Variants in CSMD1 observed in about 807,000 individuals in gnomAD.
The protein encoded by CSMD1 is CUB and sushi domain-containing protein 1.
A neutral mutation model predicts 417.5 loss-of-function variants in CSMD1; 213 were observed. The observed-to-expected ratio is 0.51, with a 90% confidence interval of 0.46 to 0.57. The LOEUF is 0.57. Among genes scored for constraint, CSMD1 ranks in the 20% least tolerant of loss-of-function variants. CSMD1 has a pLI of 0.00. For missense variants in CSMD1, 6,923 were observed against 4,529.7 expected (o/e 1.53, Z -15.17); for synonymous variants, 2,862 against 1,736.8 (o/e 1.65, Z -16.11).
intron 68 of CSMD1, among the ~76,000 whole-genome samples, chr8:2,947,112 G>A (rs558074093): frequency 5.8e-4 from 88 of 152,130 alleles, no homozygotes; most frequent in Middle Eastern, 3.4e-3. Flanking sequence ...CGTACATTCT[G>A]GATACAAGTC....
chr8:4,257,918 C>T (rs1246971688), intron 3 of CSMD1, among the ~76,000 whole-genome samples: 1 of 152,196 alleles, frequency 6.6e-6, no homozygotes, highest in East Asian at 1.9e-4. Context: ...ACAACCACCA[C>T]TTTAAAAATA....
chr8:4,777,906 C>T (rs985228562), intron 1 of CSMD1, among the ~76,000 whole-genome samples: 2 of 152,176 alleles, frequency 1.3e-5, no homozygotes, highest in Non-Finnish European at 2.9e-5. Flanking sequence ...CTACCTATCC[C>T]ACATCAAAGG....
chr8:4,180,030 A>C (rs10099788), intron 3 of CSMD1, among the ~76,000 whole-genome samples: 1 of 152,030 alleles, frequency 6.6e-6, no homozygotes, highest in Non-Finnish European at 1.5e-5. Flanking sequence ...CGATTCCTCA[A>C]GGACCTAGAA....
In CSMD1 at chr8:3,494,649, G is replaced by C. The variant is rs539147748; in HGVS notation, c.1345-923C>G. On this transcript the variant is annotated intron_variant, in intron 10 of 69. Coordinates refer to ENST00000635120, the MANE Select transcript of CSMD1 (RefSeq NM_033225.6). ...AGATGACAGACTGGATGGATGGATG[G>C]GTGGATGGAAAAATGACAGACGATA... 1.2e-4 allele frequency among the ~76,000 whole-genome samples: 18 copies of C among 152,092 alleles called. 1 individual carries two copies. The highest frequency in any genetic ancestry group is 3.1e-4 in the African/African-American group (13 of 41,476).
intron 37 of CSMD1, among the ~76,000 whole-genome samples, chr8:3,176,430 C>A (rs896836897): frequency 1.3e-5 from 2 of 151,130 alleles, no homozygotes; most frequent in African/African-American, 4.9e-5. Context: ...AGTGTGCATT[C>A]AAAAAAAACT....
At chr8:4,482,342 G>A (rs190886672) in intron 2 of CSMD1, among the ~76,000 whole-genome samples, 6 of 152,186 alleles carry the variant, frequency 3.9e-5, no homozygotes, top group Admixed American at 2.6e-4. Context: ...GAGAACATGC[G>A]GTATTCGGTT....
chr8:3,671,086 AG>A (rs953927134), intron 7 of CSMD1, among the ~76,000 whole-genome samples: 2 of 91,390 alleles, frequency 2.2e-5, no homozygotes, highest in African/African-American at 7.9e-5. Flanking sequence ...TATACATATA[AG>A]GGATATATAT....
rs1796623525 is a variant in CSMD1, at chr8:4,772,018, A to C, written c.86-134460T>G. On this transcript the variant is annotated intron_variant, in intron 1 of 69. Transcript: ENST00000635120. ...CCCATGTCTCGTTTCACTGCTCTGC[A>C]GGTTAAAAGTCCCACGTCGGTCTCA... is the stretch of plus-strand genomic sequence containing the variant. Among the ~76,000 whole-genome samples the C allele has an allele frequency of 2.6e-5, 4 of 152,278 alleles. No homozygotes were observed. In the South Asian group the frequency reaches 8.3e-4, roughly 32 times the overall value.
intron 40 of CSMD1, 109 bp from the exon 41 acceptor site, chr8:3,142,783 G>C: frequency 1.1e-6 from 1 of 948,764 alleles, no homozygotes; most frequent in South Asian, 1.4e-5. Context: ...ATCCCTCTCT[G>C]TGAGACAGAA....
intron 6 of CSMD1, among the ~76,000 whole-genome samples, chr8:3,753,524 T>A (rs1281317880): frequency 6.6e-6 from 1 of 152,214 alleles, no homozygotes; most frequent in Non-Finnish European, 1.5e-5. Flanking sequence ...TGAAGACCTT[T>A]TAGGATTAAA....
At chr8:2,992,506 C>T (rs898603440) in intron 54 of CSMD1, among the ~76,000 whole-genome samples, 3 of 151,950 alleles carry the variant, frequency 2.0e-5, no homozygotes, top group Non-Finnish European at 4.4e-5. Flanking sequence ...TCACTGCAAC[C>T]TCTGCCTTCT....
intron 33 of CSMD1, among the ~76,000 whole-genome samples, chr8:3,194,176 G>A (rs1184740507): frequency 6.6e-6 from 1 of 152,058 alleles, no homozygotes; most frequent in African/African-American, 2.4e-5. Flanking sequence ...GCTTTTTATA[G>A]GCTCTTGACA....
At chr8:4,285,088 G>T (rs902718810) in intron 3 of CSMD1, among the ~76,000 whole-genome samples, 4 of 152,140 alleles carry the variant, frequency 2.6e-5, no homozygotes, top group Admixed American at 2.6e-4. Flanking sequence ...GTGTAGGAAA[G>T]TTTTGCTATT....
intron 21 of CSMD1, among the ~76,000 whole-genome samples, chr8:3,352,892 G>C (rs187308836): frequency 6.6e-6 from 1 of 151,836 alleles, no homozygotes; most frequent in Non-Finnish European, 1.5e-5. Context: ...AAAACACATG[G>C]GGGTATATAA....
intron 18 of CSMD1, among the ~76,000 whole-genome samples, chr8:3,384,183 T>C (rs1176712416): frequency 6.6e-6 from 1 of 152,116 alleles, no homozygotes; most frequent in South Asian, 2.1e-4. Context: ...CTTGTAGAAA[T>C]AAATAAATAT....
At chr8:4,030,072 G>A (rs1195263144) in intron 4 of CSMD1, among the ~76,000 whole-genome samples, 7 of 152,312 alleles carry the variant, frequency 4.6e-5, no homozygotes, top group African/African-American at 1.4e-4. Context: ...GAAGAATACA[G>A]CTTCCCTCCT....
At chr8:4,064,425 C>T (rs1368923378) in intron 3 of CSMD1, among the ~76,000 whole-genome samples, 1 of 152,214 alleles carries the variant, frequency 6.6e-6, no homozygotes, top group Non-Finnish European at 1.5e-5. Flanking sequence ...AAGTAAGCTT[C>T]TGCGGGCTTT....
chr8:4,002,163 C>G (rs947144550), intron 4 of CSMD1, among the ~76,000 whole-genome samples: 5 of 151,944 alleles, frequency 3.3e-5, no homozygotes, highest in African/African-American at 7.3e-5. Flanking sequence ...CACAGAAAAT[C>G]TTTAGCACAG....
chr8:4,054,272 G>A (rs917628192), intron 3 of CSMD1, among the ~76,000 whole-genome samples: 1 of 83,040 alleles, frequency 1.2e-5, no homozygotes, highest in Non-Finnish European at 2.4e-5. Context: ...AGAGGTGACG[G>A]GGAAGTGAAG....
Sources: gnomAD v4.1 joint callset for allele counts (sites outside exome capture counted in the v4.1 genomes callset) on GRCh38, gnomAD v4.1.1 for gene constraint, MANE v1.5 for transcripts, NCBI Gene and HGNC (gene_info 2026-07-23, HGNC 2026-07-21) for gene names.